CHD1L: variants seen among roughly 807,000 people sequenced by gnomAD.
CHD1L encodes the protein ATP-dependent chromatin remodeler CHD1L.
Under a neutral mutation model 115.9 loss-of-function variants are expected in CHD1L, and 118 were observed. The observed-to-expected ratio is 1.02, with a 90% CI of 0.88 to 1.19. The LOEUF (loss-of-function observed/expected upper bound fraction) is 1.19, where lower values mean the gene tolerates loss of function less well. Among genes scored for constraint, CHD1L ranks in the 50% most tolerant of loss-of-function variants. The pLI, the probability that CHD1L is intolerant of heterozygous loss-of-function variation, is 0.00. For synonymous variants in CHD1L, 411 were observed against 387.1 expected, an observed-to-expected ratio of 1.06 and a Z score of -0.72; for missense variants, 1,179 against 1,065.3, an observed-to-expected ratio of 1.11 and a Z score of -1.49.
rs1235015225 is a variant in CHD1L at position 147,293,555 on chromosome 1, T to C, written c.2392-53T>C. ...GCCGCCTCCATGGGCGGTCACTTGG[T>C]TGAGTGTGGCTGTTTCATGTTGGGT... is the stretch of plus-strand genomic sequence containing the variant. On this transcript the variant is annotated intron_variant, in intron 20 of 22. Transcript: ENST00000369258. 1.5e-5 allele frequency: 22 copies of C among 1,497,278 alleles called. 1 individual carries two copies. In the Admixed American group the frequency reaches 3.3e-4, roughly 23 times the overall value. The allele number at this position is 1,497,278 out of a possible 1,614,324, so 92.7% of individuals were successfully genotyped here. A position where few individuals can be genotyped will look rare whatever the true frequency, so the allele number is the denominator to read the frequency against.
chr1:147,213,394 C>T, the CHD1L span: 21 of 1,613,572 alleles, frequency 1.3e-5, no homozygotes, highest in Non-Finnish European at 1.7e-5. Flanking sequence ...CTCCTTTTTC[C>T]CTTCAGATTC....
At chr1:147,285,282 G>C (rs1457522407) in intron 16 of CHD1L, 42 bp from the exon 17 acceptor site, 1 of 1,587,864 alleles carries the variant, frequency 6.3e-7, no homozygotes, top group Middle Eastern at 1.7e-4. Context: ...ATTCGGGGAG[G>C]AATCTTCTTG....
intron 7 of CHD1L, among the ~76,000 whole-genome samples, 164 bp downstream of exon 7, chr1:147,264,748 C>T (rs1054044410): frequency 2.0e-5 from 3 of 152,172 alleles, no homozygotes; most frequent in Non-Finnish European, 2.9e-5. Flanking sequence ...ACATGTTGTT[C>T]CCAGTTGTCT....
chr1:147,267,348 TA>T, intron 8 of CHD1L, 77 bp from the exon 9 acceptor site: 2 of 1,050,220 alleles, frequency 1.9e-6, no homozygotes, highest in Non-Finnish European at 2.9e-6. Flanking sequence ...AGGTTACTTG[TA>T]AAAACTCAGG....
chr1:147,195,421 C>T, the CHD1L span, among the ~76,000 whole-genome samples: 2 of 147,208 alleles, frequency 1.4e-5, no homozygotes, highest in Admixed American at 1.3e-4. Flanking sequence ...GCATGAGCCA[C>T]CATGCCCAGC....
At chr1:147,241,496 T>C (rs899040461), upstream of CHD1L, among the ~76,000 whole-genome samples, 2 of 152,188 alleles carry the variant, frequency 1.3e-5, no homozygotes, top group African/African-American at 2.4e-5. Context: ...CTCCCTTCGC[T>C]GACTCTTTTC....
chr1:147,205,375 T>C, the CHD1L span, among the ~76,000 whole-genome samples: 1 of 152,186 alleles, frequency 6.6e-6, no homozygotes, highest in Non-Finnish European at 1.5e-5. Flanking sequence ...TACTGTGAGA[T>C]AAACTGACAT....
chr1:147,282,436 G>C (rs930859921), intron 15 of CHD1L, among the ~76,000 whole-genome samples: 2 of 152,080 alleles, frequency 1.3e-5, no homozygotes, highest in Non-Finnish European at 2.9e-5. Flanking sequence ...CTAAGCTCTT[G>C]GGGGATTGAG....
the CHD1L span, among the ~76,000 whole-genome samples, chr1:147,229,832 A>C: frequency 6.6e-6 from 1 of 151,796 alleles, no homozygotes. Flanking sequence ...GTGTATAAGA[A>C]TGCTTGTGAT....
chr1:147,278,993 G>T (rs1553960038), intron 14 of CHD1L, among the ~76,000 whole-genome samples: 1 of 152,186 alleles, frequency 6.6e-6, no homozygotes, highest in Non-Finnish European at 1.5e-5. Flanking sequence ...GTACAAGGGG[G>T]TGAAAGGGAG....
chr1:147,281,558 T>C (rs1329765286), intron 15 of CHD1L, among the ~76,000 whole-genome samples: 2 of 152,178 alleles, frequency 1.3e-5, no homozygotes, highest in African/African-American at 4.8e-5. Flanking sequence ...GCTTTTTGAT[T>C]TTATGTTTTA....
intron 9 of CHD1L, among the ~76,000 whole-genome samples, chr1:147,267,927 C>G (rs1327333518): frequency 6.6e-6 from 1 of 152,122 alleles, no homozygotes; most frequent in African/African-American, 2.4e-5. Context: ...TTCCCATTGT[C>G]TTGAATTGAC....
At chr1:147,203,391 G>A in the CHD1L span, 46 of 993,598 alleles carry the variant, frequency 4.6e-5, no homozygotes, top group Admixed American at 6.3e-4. Flanking sequence ...CATTAGCAGC[G>A]AGTTTGATAG....
chr1:147,179,473 A>G, the CHD1L span: 4 of 1,576,288 alleles, frequency 2.5e-6, no homozygotes, highest in East Asian at 2.2e-5. Context: ...CCTACCATAT[A>G]CTTCTCTCCA....
the CHD1L span, among the ~76,000 whole-genome samples, chr1:147,193,340 G>A: frequency 4.6e-5 from 7 of 152,054 alleles, no homozygotes; most frequent in African/African-American, 1.7e-4. Flanking sequence ...GTATTTCTGT[G>A]GGATCGGTGG....
chr1:147,203,172 C>A, the CHD1L span: 11 of 526,300 alleles, frequency 2.1e-5, no homozygotes, highest in South Asian at 1.2e-4. Flanking sequence ...AGAATACAAA[C>A]ACAAAATACC....
At chr1:147,253,971 CCT>C (rs1669229986) in intron 2 of CHD1L, among the ~76,000 whole-genome samples, 1 of 152,238 alleles carries the variant, frequency 6.6e-6, no homozygotes, top group South Asian at 2.1e-4. Flanking sequence ...TGATTCCTCC[CCT>C]TTTTGTGCTG....
the CHD1L span, chr1:147,179,427 C>A: frequency 6.3e-7 from 1 of 1,594,302 alleles, no homozygotes; most frequent in Non-Finnish European, 8.6e-7. Flanking sequence ...ATGCCACAGC[C>A]AATGATGTGC....
the CHD1L span, chr1:147,176,088 T>C: frequency 6.6e-6 from 1 of 152,160 alleles, no homozygotes; most frequent in Admixed American, 6.5e-5. Flanking sequence ...TAAATTTTTA[T>C]TGTATGAAAA....
Sources: gnomAD v4.1 joint callset for allele counts (sites outside exome capture counted in the v4.1 genomes callset) on GRCh38, gnomAD v4.1.1 for gene constraint, MANE v1.5 for transcripts, NCBI Gene and HGNC (gene_info 2026-07-23, HGNC 2026-07-21) for gene names.